The following CAMTA1 variants were observed in gnomAD, a reference collection of about 807,000 sequenced individuals.
CAMTA1 encodes calmodulin-binding transcription activator 1.
In CAMTA1, 27 loss-of-function variants were observed where a neutral mutation model predicts 170.9. The observed-to-expected ratio is 0.16, with a 90% CI of 0.12 to 0.22. The LOEUF (loss-of-function observed/expected upper bound fraction) is 0.22. CAMTA1 is among the 10% of genes least tolerant of loss of function. The pLI is 1.00. For missense variants in CAMTA1, 1,619 were observed against 2,217.2 expected (o/e 0.73, Z 5.42); for synonymous variants, 833 against 891.5 (o/e 0.93, Z 1.17).
chr1:7,355,169 G>A (rs2085000458), intron 5 of CAMTA1, among the ~76,000 whole-genome samples: 2 of 147,442 alleles, frequency 1.4e-5, no homozygotes, highest in South Asian at 4.2e-4. Context: ...TCACACCACT[G>A]CACTCCAGCC....
intron 4 of CAMTA1, among the ~76,000 whole-genome samples, chr1:7,196,775 A>G (rs1254536334): frequency 2.0e-5 from 3 of 152,204 alleles, no homozygotes; most frequent in Non-Finnish European, 4.4e-5. Context: ...TCTAGGAGTA[A>G]GATTGAAGTC....
At chr1:7,653,060 G>A (rs116383600) in intron 7 of CAMTA1, among the ~76,000 whole-genome samples, 218 of 152,212 alleles carry the variant, frequency 1.4e-3, no homozygotes, top group African/African-American at 5.2e-3. Flanking sequence ...CTATTAGGAC[G>A]TGGATGCTGG....
chr1:6,876,871 G>C (rs1356816974), intron 3 of CAMTA1, among the ~76,000 whole-genome samples: 1 of 152,150 alleles, frequency 6.6e-6, no homozygotes, highest in Non-Finnish European at 1.5e-5. Flanking sequence ...AGAATGTTGG[G>C]CAATAAGATG....
chr1:7,095,424 C>T lies in CAMTA1; in HGVS notation c.302+4053C>T, dbSNP rs373219475. On this transcript the variant is annotated intron_variant, in intron 4 of 22. Transcript: ENST00000303635. ...GAGCCAGCACTGTGTTCTCTCACAC[C>T]GCCCATGGGCTGGATGCTGTGCTTT... Among the ~76,000 whole-genome samples the T allele has an allele frequency of 2.0e-4, 31 of 152,292 alleles. No homozygotes were observed. The South Asian group carries it at 5.0e-3, about 24-fold the overall frequency.
chr1:7,663,723 C>G lies in CAMTA1; in HGVS notation c.1176C>G (p.Ser392Arg). The change falls in exon 9 of 23, where the codon AGC becomes AGG. Residue 392 changes from serine (S) to arginine (R), a missense_variant. Ser to Arg is a moderately radical substitution (Grantham distance 110, BLOSUM62 -1). This residue lies in a region of CAMTA1 where 731 missense variants were observed against 907.6 expected (regional missense o/e 0.81). Coordinates refer to ENST00000303635, the MANE Select transcript of CAMTA1 (RefSeq NM_015215.4). The part of the protein sequence containing the change: ...SGMAVASVMG[S>R]LSQSATVFMS... ...TGGCGGTGGCCTCTGTGATGGGGAGCTTGTCCCAGAGCGCCACGGTGTTCA... is the reference window on the plus strand; with the variant it reads ...TGGCGGTGGCCTCTGTGATGGGGAGGTTGTCCCAGAGCGCCACGGTGTTCA... 1 of 1,613,992 alleles carries G rather than the reference C, an allele frequency of 6.2e-7. No individual in the cohort carries two copies. Among genetic ancestry groups the G allele is most frequent in the Non-Finnish European group, 8.5e-7 (1 of 1,179,936 alleles).
In CAMTA1 at chr1:7,050,488, G is replaced by C. The variant is rs879833457; in HGVS notation, c.235-40816G>C. On this transcript the variant is annotated intron_variant, in intron 3 of 22. Coordinates refer to ENST00000303635, the MANE Select transcript of CAMTA1 (RefSeq NM_015215.4). This position sits in a 1 kb window ranked among gnomAD's most constrained non-coding sequence, Gnocchi z 4.8. ...GATGAAGACTCTCAAACAGGCCTTG[G>C]CTGCATCAAACACATCGCGGGGGTG... Among the ~76,000 whole-genome samples, 3 of 152,162 alleles carry C rather than the reference G, an allele frequency of 2.0e-5. No homozygotes were observed. Among genetic ancestry groups the C allele is most frequent in the Non-Finnish European group, 2.9e-5 (2 of 68,016 alleles).
rs936464584 is a variant in CAMTA1, at chr1:7,305,760, C to T, written c.438+56134C>T. 2.6e-5 allele frequency among the ~76,000 whole-genome samples: 4 copies of T among 151,980 alleles called. No homozygotes were observed. The East Asian group carries it at 5.8e-4, about 22-fold the overall frequency. On this transcript the variant is annotated intron_variant, in intron 5 of 22. Coordinates refer to ENST00000303635, the MANE Select transcript of CAMTA1 (RefSeq NM_015215.4). ...GAAACACTCAGATGTGGAATGGTTG[C>T]GTTAGATAGTAAGTGTATGTTTAAC...
intron 4 of CAMTA1, among the ~76,000 whole-genome samples, chr1:7,199,258 C>G (rs1198245562): frequency 6.6e-6 from 1 of 152,222 alleles, no homozygotes; most frequent in African/African-American, 2.4e-5. Flanking sequence ...GAGAAGCCTC[C>G]TCATGTCTGA....
intron 4 of CAMTA1, among the ~76,000 whole-genome samples, chr1:7,114,340 T>A (rs1178157597): frequency 2.6e-5 from 4 of 151,238 alleles, no homozygotes; most frequent in African/African-American, 9.8e-5. Flanking sequence ...TACATACATA[T>A]ACATAGACCA....
At chr1:6,925,102 C>T (rs571588024) in intron 3 of CAMTA1, among the ~76,000 whole-genome samples, 1 of 152,326 alleles carries the variant, frequency 6.6e-6, no homozygotes, top group East Asian at 1.9e-4. Context: ...GCCTTGCACA[C>T]TGGGCAGTGG....
intron 6 of CAMTA1, among the ~76,000 whole-genome samples, chr1:7,543,208 G>A (rs866689274): frequency 2.6e-5 from 4 of 152,116 alleles, no homozygotes; most frequent in Non-Finnish European, 4.4e-5. Context: ...CCCATCTTCT[G>A]GATATGCTGT....
chr1:6,820,637 TG>T (rs1451239730), intron 2 of CAMTA1, among the ~76,000 whole-genome samples: 1 of 152,212 alleles, frequency 6.6e-6, no homozygotes, highest in Non-Finnish European at 1.5e-5. Context: ...TCAGCAGCTG[TG>T]GATCTTGGGC....
intron 3 of CAMTA1, among the ~76,000 whole-genome samples, chr1:6,855,215 G>A (rs1247834198): frequency 1.3e-5 from 2 of 152,024 alleles, no homozygotes; most frequent in Non-Finnish European, 2.9e-5. Flanking sequence ...TTCCAAATTT[G>A]TATCAATCTG....
chr1:7,521,247 A>G (rs2094361046), intron 6 of CAMTA1, among the ~76,000 whole-genome samples: 1 of 152,090 alleles, frequency 6.6e-6, no homozygotes, highest in African/African-American at 2.4e-5. Flanking sequence ...AAAAGATGAT[A>G]CCCCATCAGC....
intron 4 of CAMTA1, among the ~76,000 whole-genome samples, chr1:7,155,018 C>T (rs1214060423): frequency 6.6e-6 from 1 of 152,186 alleles, no homozygotes; most frequent in African/African-American, 2.4e-5. Flanking sequence ...GACCAGTTTG[C>T]AGTCTGTCCA....
At chr1:7,572,713 C>T (rs1285700125) in intron 6 of CAMTA1, among the ~76,000 whole-genome samples, 1 of 152,220 alleles carries the variant, frequency 6.6e-6, no homozygotes. Context: ...CCCAAACCCC[C>T]ACCTCCTAAT....
rs749633945 is a variant in CAMTA1 at position 7,007,004 on chromosome 1, T to TA, written c.235-84282dup. Among the ~76,000 whole-genome samples, 536 of 136,900 alleles carry TA rather than the reference T, an allele frequency of 3.9e-3. 1 individual carries two copies. Among genetic ancestry groups the TA allele is most frequent in the Non-Finnish European group, 5.9e-3 (368 of 62,724 alleles). The allele number at this position is 136,900 out of a possible 152,430, so 89.8% of individuals were successfully genotyped here. On this transcript the variant is annotated intron_variant, in intron 3 of 22. Transcript: ENST00000303635. The surrounding 1 kb of genome is among the most constrained non-coding windows in gnomAD (Gnocchi z 4.5). ...TCTTAACAAGAATGTCAGATGGTAG[T>TA]AAAAAAAAAAAAAAAAAATAAGAAT...
chr1:6,978,168 G>A (rs1693789832), intron 3 of CAMTA1, among the ~76,000 whole-genome samples: 1 of 152,224 alleles, frequency 6.6e-6, no homozygotes, highest in Non-Finnish European at 1.5e-5. Flanking sequence ...TAGCATAACA[G>A]GGTGGCTAGA....
rs12751613 is a variant in CAMTA1, at chr1:6,918,562, A to C, written c.234+93352A>C. Among the ~76,000 whole-genome samples the C allele has an allele frequency of 0.062, 9,517 of 152,296 alleles. 308 individuals carry two copies. The highest frequency in any genetic ancestry group is 0.088 in the Middle Eastern group (26 of 294). ...AGAAATACTGTGGCTTCAAAACGGT[A>C]TTTATCTGGCATTGGGAAACCATCA... On this transcript the variant is annotated intron_variant, in intron 3 of 22. Transcript: ENST00000303635. This position sits in a 1 kb window ranked among gnomAD's most constrained non-coding sequence, Gnocchi z 4.0.
Sources: gnomAD v4.1 joint callset for allele counts (sites outside exome capture counted in the v4.1 genomes callset) on GRCh38, gnomAD v4.1.1 for gene constraint, gnomAD v4.1.1 regional missense constraint, Gnocchi (gnomAD v3.1) non-coding constraint, MANE v1.5 for transcripts, NCBI Gene and HGNC (gene_info 2026-07-23, HGNC 2026-07-21) for gene names.